The following HIP1 variants were observed in gnomAD, a reference collection of about 807,000 sequenced individuals.
HIP1 encodes huntingtin interacting protein 1.
HIP1 carries 65 observed loss-of-function variants against 147.6 expected under a neutral mutation model. The ratio of observed to expected loss-of-function variants is 0.44; its 90% CI spans 0.36 to 0.54. The LOEUF (loss-of-function observed/expected upper bound fraction) is 0.54. HIP1 is among the 20% of genes least tolerant of loss of function. The pLI, the probability that HIP1 is intolerant of heterozygous loss-of-function variation, is 0.00. For synonymous variants in HIP1, 479 were observed against 504.0 expected (o/e 0.95, Z 0.67); for missense variants, 1,061 against 1,299.6 (o/e 0.82, Z 2.82).
chr7:75,704,045 A>G (rs1396820301), intron 1 of HIP1, among the ~76,000 whole-genome samples: 2 of 152,150 alleles, frequency 1.3e-5, no homozygotes, highest in African/African-American at 4.8e-5. Flanking sequence ...GGAACCAGTG[A>G]ACCTGGTAAG....
intron 1 of HIP1, among the ~76,000 whole-genome samples, chr7:75,707,708 G>T (rs1475008223): frequency 4.8e-5 from 7 of 147,336 alleles, no homozygotes; most frequent in African/African-American, 1.8e-4. Context: ...TATACTACAA[G>T]GCTACAGTAA....
intron 1 of HIP1, among the ~76,000 whole-genome samples, chr7:75,736,998 C>T (rs76184659): frequency 0.11 from 16,268 of 152,120 alleles, 1,127 homozygotes; most frequent in Middle Eastern, 0.18. Flanking sequence ...TCATAGCCCA[C>T]TGCAGCCTCA....
At chr7:75,603,525 C>T (rs182585870) in intron 1 of HIP1, among the ~76,000 whole-genome samples, 29 of 152,078 alleles carry the variant, frequency 1.9e-4, no homozygotes, top group Admixed American at 8.5e-4. Context: ...GAATGACATG[C>T]GATGCTTCCC....
At chr7:75,595,185 G>GT (rs1563229886) in intron 2 of HIP1, among the ~76,000 whole-genome samples, 3 of 143,564 alleles carry the variant, frequency 2.1e-5, no homozygotes, top group Admixed American at 7.0e-5. Context: ...TGGTGTAGGA[G>GT]TCCTTTCTTT....
At chr7:75,553,759 A>T (rs766238671) in intron 21 of HIP1, among the ~76,000 whole-genome samples, 170 bp from the exon 22 acceptor site, 3 of 152,100 alleles carry the variant, frequency 2.0e-5, no homozygotes, top group Admixed American at 6.6e-5. Context: ...GTGCGCCACC[A>T]TGCCCGGCTA....
intron 1 of HIP1, among the ~76,000 whole-genome samples, chr7:75,735,850 C>T (rs782611574): frequency 1.8e-4 from 28 of 152,012 alleles, no homozygotes; most frequent in Non-Finnish European, 1.5e-4. Context: ...GATACCACAA[C>T]CAGCTAATTT....
intron 9 of HIP1, among the ~76,000 whole-genome samples, chr7:75,563,673 C>G (rs1291645888): frequency 2.6e-5 from 4 of 152,146 alleles, no homozygotes; most frequent in Non-Finnish European, 5.9e-5. Context: ...AAAGGTAGCT[C>G]TCTTCTTTCA....
intron 1 of HIP1, among the ~76,000 whole-genome samples, chr7:75,646,813 T>A (rs553601212): frequency 1.2e-4 from 19 of 152,164 alleles, no homozygotes; most frequent in Non-Finnish European, 2.6e-4. Context: ...CCCTGAGAGC[T>A]GTAGCATAAA....
chr7:75,665,102 A>C (rs912982089), intron 1 of HIP1, among the ~76,000 whole-genome samples: 2 of 152,142 alleles, frequency 1.3e-5, no homozygotes, highest in Admixed American at 1.3e-4. Context: ...TCTACAAAAA[A>C]AATTTAAAAA....
chr7:75,543,806 G>C (rs782200636), intron 27 of HIP1, among the ~76,000 whole-genome samples: 1 of 152,136 alleles, frequency 6.6e-6, no homozygotes, highest in Non-Finnish European at 1.5e-5. Context: ...TAACAGATGT[G>C]AGGAAAGCCA....
At chr7:75,543,310 A>G (rs1220471282) in intron 27 of HIP1, among the ~76,000 whole-genome samples, 1 of 152,204 alleles carries the variant, frequency 6.6e-6, no homozygotes, top group East Asian at 1.9e-4. Context: ...TTTGGGGCAC[A>G]CTTTACATGA....
intron 1 of HIP1, among the ~76,000 whole-genome samples, chr7:75,686,857 T>TG (rs1431377336): frequency 6.8e-6 from 1 of 147,080 alleles, no homozygotes; most frequent in Non-Finnish European, 1.5e-5. Flanking sequence ...TTTTTTTTTT[T>TG]TTTTTTTTTG....
At chr7:75,609,903 C>CTTTTTTTT (rs56106169) in intron 1 of HIP1, among the ~76,000 whole-genome samples, 2 of 130,994 alleles carry the variant, frequency 1.5e-5, no homozygotes, top group East Asian at 2.2e-4. Flanking sequence ...CTCTTCTTTT[C>CTTTTTTTT]TTTTTTTTTT....
At chr7:75,557,019 ATTATTTATTTATTTAT>A (rs3041772) in intron 16 of HIP1, among the ~76,000 whole-genome samples, 2 of 145,352 alleles carry the variant, frequency 1.4e-5, no homozygotes, top group African/African-American at 2.5e-5. Flanking sequence ...AGGATTTTTT[ATTATTTATTTATTTAT>A]TTATTTATTT....
intron 1 of HIP1, among the ~76,000 whole-genome samples, chr7:75,726,284 A>AT (rs60658791): frequency 0.61 from 89,726 of 147,406 alleles, 28,181 homozygotes; most frequent in African/African-American, 0.78. Flanking sequence ...GTGCCTGGGC[A>AT]TTTTTTTTTT....
At chr7:75,620,698 AC>A (rs1182747333) in intron 1 of HIP1, among the ~76,000 whole-genome samples, 1 of 152,018 alleles carries the variant, frequency 6.6e-6, no homozygotes, top group Non-Finnish European at 1.5e-5. Flanking sequence ...AAACAAACAA[AC>A]AAACAAATAA....
intron 2 of HIP1, among the ~76,000 whole-genome samples, chr7:75,595,271 C>T (rs1408665159): frequency 0.016 from 1,244 of 78,070 alleles, 10 homozygotes; most frequent in African/African-American, 0.039. Context: ...TTCCTTCCTT[C>T]CTTCCTTCCT....
At chr7:75,594,525 C>T (rs949401378) in intron 2 of HIP1, among the ~76,000 whole-genome samples, 1 of 152,146 alleles carries the variant, frequency 6.6e-6, no homozygotes, top group East Asian at 1.9e-4. Context: ...GCTGTAATCA[C>T]AGGACTCTGG....
intron 1 of HIP1, among the ~76,000 whole-genome samples, chr7:75,650,961 A>C (rs1042119638): frequency 1.3e-5 from 2 of 152,118 alleles, no homozygotes. Context: ...GAGGGAAGAG[A>C]AAGGAAAACA....
Sources: gnomAD v4.1 joint callset for allele counts (sites outside exome capture counted in the v4.1 genomes callset) on GRCh38, gnomAD v4.1.1 for gene constraint, MANE v1.5 for transcripts, NCBI Gene and HGNC (gene_info 2026-07-23, HGNC 2026-07-21) for gene names.